The following EIF4EBP3 variants were observed in gnomAD, a reference collection of about 807,000 sequenced individuals.
EIF4EBP3 encodes eukaryotic translation initiation factor 4E-binding protein 3.
In EIF4EBP3, 11 loss-of-function variants were observed where a neutral mutation model predicts 12.1. The observed-to-expected ratio is 0.91, with a 90% CI of 0.57 to 1.51. The LOEUF (loss-of-function observed/expected upper bound fraction) is 1.51. Among genes scored for constraint, EIF4EBP3 ranks in the 40% most tolerant of loss-of-function variants. The pLI is 0.00. For synonymous variants in EIF4EBP3, 43 were observed against 54.2 expected, an observed-to-expected ratio of 0.79 and a Z score of 0.91; for missense variants, 136 against 131.8, an observed-to-expected ratio of 1.03 and a Z score of -0.16.
Position 140,549,076 on chromosome 5 carries a change from G to C in EIF4EBP3, c.274G>C (p.Asp92His). 1.2e-6 allele frequency: 2 copies of C among 1,614,026 alleles called. No homozygotes were observed. Among genetic ancestry groups the C allele is most frequent in the Middle Eastern group, 1.6e-4 (1 of 6,062 alleles). Residue 92 changes from aspartate (D) to histidine (H), a missense_variant and splice_region_variant, in exon 2 of 3, where the codon GAT (aspartate) becomes CAT (histidine). Coordinates refer to ENST00000310331, the MANE Select transcript of EIF4EBP3 (RefSeq NM_003732.3). Reference protein sequence around the residue: ...KEQETEEEIPDDAQFEMDI With the variant: ...KEQETEEEIPHDAQFEMDI ...GCAGGAGACAGAGGAAGAGATACCC[G>C]GTAAGGAAAGCAGGAATTAAGAATT...
chr5:140,549,366 A>C lies in EIF4EBP3; in HGVS notation c.*104A>C. 2.7e-5 allele frequency: 43 copies of C among 1,568,136 alleles called. No homozygotes were observed. The highest frequency in any genetic ancestry group is 3.3e-5 in the Non-Finnish European group (38 of 1,140,390). ...TCCAAAGGCCAGCTGGCCTCATCTA[A>C]TCTGGAAGGGAGTGACTTGTTAGTT... On this transcript the variant is annotated 3_prime_UTR_variant, in exon 3 of 3. Transcript: ENST00000310331.
At position 140,549,536 on chromosome 5, in the gene EIF4EBP3, A is replaced by C; in HGVS notation, c.*274A>C. 1 of 540,534 alleles carries C rather than the reference A, an allele frequency of 1.9e-6. No homozygotes were observed. Among genetic ancestry groups the C allele is most frequent in the East Asian group, 3.2e-5 (1 of 31,080 alleles). 33.5% of individuals were successfully genotyped at this position (540,534 alleles called of 1,614,324 possible). ...CTCAGGGGCTGGAACTGGGGAATGG[A>C]GTAAGTCACCTTCTGACTGCTTAGT... On this transcript the variant is annotated 3_prime_UTR_variant, in exon 3 of 3. Transcript: ENST00000310331.
rs535001873 is a variant in EIF4EBP3 at position 140,548,306 on chromosome 5, T to TCCTG, written c.103+469_103+472dup. Among the ~76,000 whole-genome samples, 1,261 of 152,296 alleles carry TCCTG rather than the reference T, an allele frequency of 8.3e-3. 11 individuals are homozygous for TCCTG. The highest frequency in any genetic ancestry group is 0.021 in the Middle Eastern group (6 of 292). On this transcript the variant is annotated intron_variant, in intron 1 of 2. Transcript: ENST00000310331. ...GCTGCTGGGCTCCCGACCCAGGGAT[T>TCCTG]CCTGCCACGCGGAAGCGGAGGGGAG... is the stretch of plus-strand genomic sequence containing the variant.
Position 140,549,094 on chromosome 5 carries a change from TA to T in EIF4EBP3, c.274+20del. The T allele has an allele frequency of 6.2e-7, 1 of 1,613,904 alleles. No individual in the cohort carries two copies. The highest frequency in any genetic ancestry group is 8.5e-7 in the Non-Finnish European group (1 of 1,179,828). On this transcript the variant is annotated intron_variant, in intron 2 of 2. Transcript: ENST00000310331. ...GATACCCGGTAAGGAAAGCAGGAAT[TA>T]AGAATTGTCCCAGCCTTTGAGTTCA...
chr5:140,549,296 G>A lies in EIF4EBP3; in HGVS notation c.*34G>A. The A allele has an allele frequency of 6.2e-7, 1 of 1,614,176 alleles. No individual in the cohort carries two copies. The highest frequency in any genetic ancestry group is 8.5e-7 in the Non-Finnish European group (1 of 1,180,044). On this transcript the variant is annotated 3_prime_UTR_variant, in exon 3 of 3. Transcript: ENST00000310331. ...AGATGACCTGGCATGTGGAGTTACA[G>A]AGGGATCCCTCATGCCACTGCTGCC... is the stretch of plus-strand genomic sequence containing the variant.
chr5:140,548,613 T>C (rs769456884), intron 1 of EIF4EBP3, among the ~76,000 whole-genome samples: 10 of 152,156 alleles, frequency 6.6e-5, no homozygotes, highest in Admixed American at 2.0e-4. Context: ...CAAAGTTTGG[T>C]GTTCCTCTTA....
rs946968531 is a variant in EIF4EBP3, at chr5:140,549,495, C to T, written c.*233C>T. The T allele has an allele frequency of 9.6e-6, 6 of 625,854 alleles. No homozygotes were observed. Among genetic ancestry groups the T allele is most frequent in the African/African-American group, 7.4e-5 (4 of 54,326 alleles). The allele number at this position is 625,854 out of a possible 1,614,324, so 38.8% of individuals were successfully genotyped here. On this transcript the variant is annotated 3_prime_UTR_variant, in exon 3 of 3. Coordinates refer to ENST00000310331, the MANE Select transcript of EIF4EBP3 (RefSeq NM_003732.3). ...CTTCAGTCTGTGGTACTCCTCCTAA[C>T]CCTAAACCCTCTATGCTCAGGGGCT...
At chr5:140,548,210 TG>T (rs1754428866) in intron 1 of EIF4EBP3, among the ~76,000 whole-genome samples, 1 of 152,202 alleles carries the variant, frequency 6.6e-6, no homozygotes, top group African/African-American at 2.4e-5. Flanking sequence ...TTAGAACAGT[TG>T]GGGCAGTTGC....
At position 140,548,819 on chromosome 5, in the gene EIF4EBP3, C is replaced by T; in HGVS notation, c.104-87C>T. 2.0e-6 allele frequency: 3 copies of T among 1,509,154 alleles called. No homozygotes were observed. The East Asian group carries it at 6.9e-5, about 35-fold the overall frequency. The allele number at this position is 1,509,154 out of a possible 1,614,324, so 93.5% of individuals were successfully genotyped here. ...GGGAAATTTGACACCACCCTCACCT[C>T]CAGGCCCCAAAAGGCCTGAGTCTGG... On this transcript the variant is annotated intron_variant, in intron 1 of 2. Transcript: ENST00000310331.
At position 140,547,786 on chromosome 5, in the gene EIF4EBP3, C is replaced by T. The variant is rs186301886; in HGVS notation, c.49C>T (p.Pro17Ser). The T allele has an allele frequency of 1.4e-5, 22 of 1,540,874 alleles. No homozygotes were observed. The highest frequency in any genetic ancestry group is 1.7e-4 in the Middle Eastern group (1 of 5,956). ...CPIPGGRDQL[P>S]DCYSTTPGGT... Reference sequence around the variant, plus strand: ...GATTCCCGGGGGCCGGGACCAGCTGCCCGACTGCTACAGCACCACGCCGGG... The same window carrying T: ...GATTCCCGGGGGCCGGGACCAGCTGTCCGACTGCTACAGCACCACGCCGGG... The change falls in exon 1 of 3, where the codon CCC (proline) becomes TCC (serine). Residue 17 changes from proline (P) to serine (S), a missense_variant. Physicochemically the swap from Pro to Ser is moderately conservative, Grantham distance 74. Coordinates refer to ENST00000310331, the MANE Select transcript of EIF4EBP3 (RefSeq NM_003732.3).
chr5:140,549,423 C>T lies in EIF4EBP3; in HGVS notation c.*161C>T, dbSNP rs1318186164. 20 of 1,261,990 alleles carry T rather than the reference C, an allele frequency of 1.6e-5. No individual in the cohort carries two copies. Among genetic ancestry groups the T allele is most frequent in the African/African-American group, 3.0e-5 (2 of 67,602 alleles). The allele number at this position is 1,261,990 out of a possible 1,614,324, so 78.2% of individuals were successfully genotyped here. A position where few individuals can be genotyped will look rare whatever the true frequency, so the allele number is the denominator to read the frequency against. On this transcript the variant is annotated 3_prime_UTR_variant, in exon 3 of 3. Transcript: ENST00000310331. ...CTCCTTTAGTTCTGAGGCAGCTAGA[C>T]CAGGGATAGGAGTGGGCAACTTGCC...
At chr5:140,548,779 G>A (rs1225727017) in intron 1 of EIF4EBP3, 127 bp from the exon 2 acceptor site, 2 of 1,331,824 alleles carry the variant, frequency 1.5e-6, no homozygotes, top group Non-Finnish European at 2.0e-6. Flanking sequence ...CAGAGCCGAT[G>A]TCCTTTGATA....
rs754548510 is a variant in EIF4EBP3, at chr5:140,549,021, C to T, written c.219C>T (p.Ala73=). The T allele has an allele frequency of 6.2e-7, 1 of 1,614,136 alleles. No individual in the cohort carries two copies. Among genetic ancestry groups the T allele is most frequent in the Non-Finnish European group, 8.5e-7 (1 of 1,180,012 alleles). The part of the protein sequence containing the change: ...QIPGVTTPPT[A]PLSKLEELKE... Reference sequence around the variant, plus strand: ...CCGGGGTCACAACTCCTCCAACAGCCCCTCTCTCCAAGCTGGAGGAGCTGA... The same window carrying T: ...CCGGGGTCACAACTCCTCCAACAGCTCCTCTCTCCAAGCTGGAGGAGCTGA... The change falls in exon 2 of 3, where the codon GCC becomes GCT. Residue 73 remains alanine (A), a synonymous_variant. Coordinates refer to ENST00000310331, the MANE Select transcript of EIF4EBP3 (RefSeq NM_003732.3).
Position 140,548,978 on chromosome 5 carries a change from G to T in EIF4EBP3, c.176G>T (p.Cys59Phe). The T allele has an allele frequency of 6.2e-7, 1 of 1,614,118 alleles. No individual in the cohort carries two copies. The highest frequency in any genetic ancestry group is 8.5e-7 in the Non-Finnish European group (1 of 1,180,004). ...KNSPIARTPP[C>F]CLPQIPGVTT... ...TCACCCATTGCCCGGACACCCCCCT[G>T]CTGCCTCCCTCAGATTCCCGGGGTC... Residue 59 changes from cysteine to phenylalanine, a missense_variant, in exon 2 of 3, where the codon TGC (cysteine) becomes TTC (phenylalanine). Transcript: ENST00000310331.
intron 1 of EIF4EBP3, 137 bp downstream of exon 1, chr5:140,547,977 G>A: frequency 1.5e-6 from 1 of 686,720 alleles, no homozygotes; most frequent in Non-Finnish European, 2.2e-6. Context: ...GGGGGAGAAT[G>A]TTTGGAGCGG....
At position 140,547,731 on chromosome 5, in the gene EIF4EBP3, G is replaced by A. The variant is rs918417034; in HGVS notation, c.-7G>A. ...AGGCGGTTACTTTGCTGCTCCTCCC[G>A]CTCGCTATGTCAACGTCCACTAGCT... On this transcript the variant is annotated 5_prime_UTR_variant, in exon 1 of 3. Coordinates refer to ENST00000310331, the MANE Select transcript of EIF4EBP3 (RefSeq NM_003732.3). The A allele has an allele frequency of 6.5e-6, 10 of 1,545,250 alleles. No homozygotes were observed. The African/African-American group carries it at 1.2e-4, about 19-fold the overall frequency.
chr5:140,548,462 A>G (rs1318359459), intron 1 of EIF4EBP3, among the ~76,000 whole-genome samples: 2 of 152,238 alleles, frequency 1.3e-5, no homozygotes, highest in East Asian at 1.9e-4. Flanking sequence ...TAGCCCAGGT[A>G]ACAGCACTGG....
intron 2 of EIF4EBP3, 32 bp downstream of exon 2, chr5:140,549,108 G>T (rs959975636): frequency 1.9e-6 from 3 of 1,613,786 alleles, no homozygotes; most frequent in Non-Finnish European, 2.5e-6. Flanking sequence ...AATTGTCCCA[G>T]CCTTTGAGTT....
At chr5:140,547,880 T>C (rs1034463114) in intron 1 of EIF4EBP3, 40 bp downstream of exon 1, 52 of 1,392,154 alleles carry the variant, frequency 3.7e-5, no homozygotes, top group Non-Finnish European at 4.6e-5. Context: ...TGCGGACATA[T>C]TAGCGCGTGC....
Sources: allele counts gnomAD v4.1 joint callset (sites outside exome capture counted in the v4.1 genomes callset), GRCh38; gene constraint gnomAD v4.1.1; transcripts MANE v1.5; gene names NCBI Gene and HGNC (gene_info 2026-07-23, HGNC 2026-07-21).